Variants in NRXN3 observed in about 807,000 individuals in gnomAD.
NRXN3 encodes neurexin 3.
NRXN3 carries 32 observed loss-of-function variants against 137.6 expected under a neutral mutation model. The ratio of observed to expected loss-of-function variants is 0.23; its 90% CI spans 0.18 to 0.31. The LOEUF is 0.31. NRXN3 is among the 10% of genes least tolerant of loss of function. The pLI, the probability that NRXN3 is intolerant of heterozygous loss-of-function variation, is 1.00. For synonymous variants in NRXN3, 798 were observed against 784.5 expected (o/e 1.02, Z -0.29); for missense variants, 1,574 against 2,062.5 (o/e 0.76, Z 4.59).
chr14:78,616,632 A>G (rs1601420736), intron 4 of NRXN3, among the ~76,000 whole-genome samples: 1 of 152,228 alleles, frequency 6.6e-6, no homozygotes, highest in African/African-American at 2.4e-5. Context: ...ATATTCACAC[A>G]TAGCTCTCTG....
chr14:79,525,181 G>C (rs1479409512), intron 16 of NRXN3, among the ~76,000 whole-genome samples: 1 of 152,128 alleles, frequency 6.6e-6, no homozygotes, highest in Non-Finnish European at 1.5e-5. Flanking sequence ...AGGAGGGCAG[G>C]GGAAGGTCAG....
intron 8 of NRXN3, among the ~76,000 whole-genome samples, chr14:78,741,960 T>G (rs1270669025): frequency 1.3e-5 from 2 of 152,158 alleles, no homozygotes; most frequent in African/African-American, 4.8e-5. Context: ...CTAAATGCCT[T>G]AAAACCCTGG....
intron 16 of NRXN3, among the ~76,000 whole-genome samples, chr14:79,469,198 G>T (rs1410158089): frequency 6.6e-6 from 1 of 152,114 alleles, no homozygotes; most frequent in East Asian, 1.9e-4. Flanking sequence ...GCATCTTTTT[G>T]AGTCAAATAG....
intron 4 of NRXN3, among the ~76,000 whole-genome samples, chr14:78,480,486 A>G (rs2095454427): frequency 6.6e-6 from 1 of 152,218 alleles, no homozygotes; most frequent in Admixed American, 6.5e-5. Context: ...GTAGATTCTT[A>G]TACAATGGGT....
At chr14:79,040,081 C>T (rs527833815) in intron 15 of NRXN3, among the ~76,000 whole-genome samples, 1 of 152,300 alleles carries the variant, frequency 6.6e-6, no homozygotes, top group Admixed American at 6.5e-5. Flanking sequence ...CAGTTCCCAT[C>T]TCGCTCATTA....
intron 4 of NRXN3, among the ~76,000 whole-genome samples, chr14:78,510,142 T>C (rs1329545940): frequency 1.3e-5 from 2 of 151,572 alleles, no homozygotes; most frequent in African/African-American, 4.9e-5. Flanking sequence ...TTGAATCAGG[T>C]TGAAGCAGGT....
chr14:79,499,923 C>A (rs1055537399), intron 16 of NRXN3, among the ~76,000 whole-genome samples: 3 of 149,918 alleles, frequency 2.0e-5, no homozygotes, highest in African/African-American at 7.4e-5. Context: ...ATTAGGCCCC[C>A]TGTGTTTGGT....
At chr14:79,840,255 A>G (rs955584516) in intron 20 of NRXN3, among the ~76,000 whole-genome samples, 1 of 152,138 alleles carries the variant, frequency 6.6e-6, no homozygotes, top group South Asian at 2.1e-4. Context: ...CTAATTTTGC[A>G]TGAGTCCCTT....
At chr14:78,562,791 A>G (rs1156921615) in intron 4 of NRXN3, among the ~76,000 whole-genome samples, 2 of 152,264 alleles carry the variant, frequency 1.3e-5, no homozygotes, top group Non-Finnish European at 2.9e-5. Flanking sequence ...TCTTAAAAAT[A>G]TAAAGTGATA....
intron 15 of NRXN3, among the ~76,000 whole-genome samples, chr14:79,164,074 G>C (rs531405480): frequency 6.6e-6 from 1 of 151,798 alleles, no homozygotes; most frequent in Non-Finnish European, 1.5e-5. Flanking sequence ...TTACCAATTT[G>C]TTTCTCATCT....
intron 5 of NRXN3, chr14:78,649,160 G>T: frequency 3.1e-6 from 2 of 647,582 alleles, no homozygotes; most frequent in South Asian, 1.6e-5. Flanking sequence ...TTTACTAACC[G>T]ACTAATGTAC....
At chr14:78,719,233 G>A (rs2098448131) in intron 8 of NRXN3, among the ~76,000 whole-genome samples, 1 of 152,192 alleles carries the variant, frequency 6.6e-6, no homozygotes. Flanking sequence ...TCATCCCAAT[G>A]TCAAGAAAAA....
chr14:79,011,443 A>G (rs1446205823), intron 15 of NRXN3, among the ~76,000 whole-genome samples: 1 of 148,976 alleles, frequency 6.7e-6, no homozygotes, highest in Non-Finnish European at 1.5e-5. Flanking sequence ...AAAAAAAAAA[A>G]AAAACAATTC....
intron 15 of NRXN3, among the ~76,000 whole-genome samples, chr14:79,360,423 G>T (rs1437318431): frequency 6.6e-6 from 1 of 152,186 alleles, no homozygotes; most frequent in South Asian, 2.1e-4. Flanking sequence ...TATTTACAGA[G>T]CATTGCTCTT....
intron 4 of NRXN3, among the ~76,000 whole-genome samples, chr14:78,331,996 A>C (rs2080873689): frequency 6.6e-6 from 1 of 152,094 alleles, no homozygotes; most frequent in South Asian, 2.1e-4. Flanking sequence ...TTGAGAAAAA[A>C]CCATGAACTT....
chr14:79,717,849 A>T (rs1290110781), intron 19 of NRXN3, among the ~76,000 whole-genome samples: 3 of 152,132 alleles, frequency 2.0e-5, no homozygotes, highest in Non-Finnish European at 4.4e-5. Flanking sequence ...TTTGAATCTA[A>T]AGGAGTGGAC....
intron 16 of NRXN3, among the ~76,000 whole-genome samples, chr14:79,469,458 A>T (rs1363028134): frequency 6.6e-6 from 1 of 152,218 alleles, no homozygotes; most frequent in Non-Finnish European, 1.5e-5. Context: ...TTTGAGATTC[A>T]GGTAACATCC....
At chr14:79,285,443 A>G (rs112844752) in intron 15 of NRXN3, among the ~76,000 whole-genome samples, 2,270 of 152,294 alleles carry the variant, frequency 0.015, 56 homozygotes, top group African/African-American at 0.051. Flanking sequence ...GGGCTGCCAT[A>G]AAGTAGTAAA....
rs2097703935 is a variant in NRXN3 at position 78,648,031 on chromosome 14, A to G, written c.1059+2610A>G. Among the ~76,000 whole-genome samples the G allele has an allele frequency of 3.3e-5, 5 of 152,342 alleles. No individual in the cohort carries two copies. In the South Asian group the frequency reaches 1.0e-3, roughly 32 times the overall value. On this transcript the variant is annotated intron_variant, in intron 5 of 20. Coordinates refer to ENST00000335750, the MANE Select transcript of NRXN3 (RefSeq NM_001330195.2). ...GAGTACTTATTACCAAATGGAGCAG[A>G]AGTCTCCTCATTTCTTCCTTCATGA...
Sources: allele counts gnomAD v4.1 joint callset (sites outside exome capture counted in the v4.1 genomes callset), GRCh38; gene constraint gnomAD v4.1.1; transcripts MANE v1.5; gene names NCBI Gene and HGNC (gene_info 2026-07-23, HGNC 2026-07-21).